GNAQ: variants seen among roughly 807,000 people sequenced by gnomAD.
The protein encoded by GNAQ is guanine nucleotide-binding protein G(q) subunit alpha.
Under a neutral mutation model 43.9 loss-of-function variants are expected in GNAQ, and 8 were observed. The ratio of observed to expected loss-of-function variants is 0.18; its 90% CI spans 0.11 to 0.33. The LOEUF (loss-of-function observed/expected upper bound fraction) is 0.33, where lower values mean the gene tolerates loss of function less well. Ranked by LOEUF, GNAQ falls within the 10% of genes least tolerant of loss-of-function variation. The pLI is 1.00. For synonymous variants in GNAQ, 155 were observed against 170.7 expected (o/e 0.91, Z 0.71); for missense variants, 158 against 450.8 (o/e 0.35, Z 5.88).
At chr9:77,969,108 C>A (rs546925102) in intron 1 of GNAQ, among the ~76,000 whole-genome samples, 10 of 152,290 alleles carry the variant, frequency 6.6e-5, no homozygotes, top group African/African-American at 2.4e-4. Context: ...TCTGCATGCA[C>A]CCCCAGGTCT....
chr9:77,863,315 T>C (rs1468064772), intron 2 of GNAQ, among the ~76,000 whole-genome samples: 6 of 152,152 alleles, frequency 3.9e-5, no homozygotes, highest in Non-Finnish European at 8.8e-5. Flanking sequence ...TCCACAAATC[T>C]CTAGGGCAGG....
chr9:77,938,685 G>C (rs1829269383), intron 1 of GNAQ, among the ~76,000 whole-genome samples: 1 of 152,154 alleles, frequency 6.6e-6, no homozygotes, highest in Admixed American at 6.5e-5. Flanking sequence ...CGAGAAAATG[G>C]GAGCACCTTT....
At chr9:77,950,957 A>G (rs1365190820) in intron 1 of GNAQ, among the ~76,000 whole-genome samples, 1 of 152,152 alleles carries the variant, frequency 6.6e-6, no homozygotes, top group Non-Finnish European at 1.5e-5. Flanking sequence ...TAACTTTTTA[A>G]TTTAAAAAAA....
chr9:77,895,224 G>T (rs1201806363), intron 2 of GNAQ, among the ~76,000 whole-genome samples: 1 of 150,994 alleles, frequency 6.6e-6, no homozygotes, highest in Non-Finnish European at 1.5e-5. Flanking sequence ...CAGAATGGCA[G>T]CAAACATCGA....
At chr9:77,903,327 G>C (rs557811233) in intron 2 of GNAQ, among the ~76,000 whole-genome samples, 28 of 152,306 alleles carry the variant, frequency 1.8e-4, no homozygotes, top group African/African-American at 6.5e-4. Flanking sequence ...GGTGTTGGAC[G>C]CTAGAGATGC....
chr9:78,023,853 G>T (rs1185107346), intron 1 of GNAQ, among the ~76,000 whole-genome samples: 2 of 150,194 alleles, frequency 1.3e-5, no homozygotes, highest in Admixed American at 1.3e-4. Flanking sequence ...TTCGCTTCCG[G>T]TAACAGAGCC....
intron 5 of GNAQ, among the ~76,000 whole-genome samples, chr9:77,749,826 C>T (rs1257698584): frequency 6.6e-6 from 1 of 152,040 alleles, no homozygotes; most frequent in Admixed American, 6.6e-5. Flanking sequence ...TCCCATCCTC[C>T]CTATAAAAAA....
intron 1 of GNAQ, among the ~76,000 whole-genome samples, chr9:77,978,174 T>C (rs1000438337): frequency 1.3e-5 from 2 of 152,192 alleles, no homozygotes; most frequent in Non-Finnish European, 2.9e-5. Flanking sequence ...AGTCCTTCTA[T>C]GGTGATCAGC....
Position 78,031,688 on chromosome 9 carries a change from G to C in GNAQ, c.-453C>G, listed in dbSNP as rs1316050811. On this transcript the variant is annotated 5_prime_UTR_variant, in exon 1 of 7. Transcript: ENST00000286548. Reference sequence around the variant, plus strand: ...GTCCCCGCAGCGAGCGGCCGCCGACGGCTCCCCGCGCCCGGCGCGCCCGCT... The same window carrying C: ...GTCCCCGCAGCGAGCGGCCGCCGACCGCTCCCCGCGCCCGGCGCGCCCGCT... Among the ~76,000 whole-genome samples, 2 of 147,290 alleles carry C rather than the reference G, an allele frequency of 1.4e-5. No homozygotes were observed. Among genetic ancestry groups the C allele is most frequent in the Non-Finnish European group, 3.0e-5 (2 of 66,172 alleles).
chr9:77,942,752 T>C (rs1269412796), intron 1 of GNAQ, among the ~76,000 whole-genome samples: 1 of 152,208 alleles, frequency 6.6e-6, no homozygotes, highest in African/African-American at 2.4e-5. Context: ...TATCCACATG[T>C]AGAAAACTTT....
At position 77,910,841 on chromosome 9, in the gene GNAQ, A is replaced by T. The variant is rs75430128; in HGVS notation, c.321+11320T>A. Among the ~76,000 whole-genome samples the T allele has an allele frequency of 4.9e-3, 754 of 152,334 alleles. 8 individuals carry two copies. Among genetic ancestry groups the T allele is most frequent in the African/African-American group, 0.018 (728 of 41,570 alleles). ...TTTAGAAATAAGAAAACTGGAATTC[A>T]GAGACATTAATTTGCTTAACACCAC... On this transcript the variant is annotated intron_variant, in intron 2 of 6. Transcript: ENST00000286548.
chr9:77,979,008 T>C (rs143825386), intron 1 of GNAQ, among the ~76,000 whole-genome samples: 44 of 152,214 alleles, frequency 2.9e-4, no homozygotes, highest in Non-Finnish European at 4.4e-4. Flanking sequence ...TCTGCCTAGA[T>C]TGTGCCACTG....
intron 5 of GNAQ, among the ~76,000 whole-genome samples, chr9:77,779,680 CAAAAAAAAAA>C (rs58014303): frequency 2.1e-5 from 2 of 95,934 alleles, no homozygotes; most frequent in African/African-American, 4.1e-5. Flanking sequence ...AAAAACAAAA[CAAAAAAAAAA>C]AAAAAAAAAA....
chr9:77,846,095 AAC>A (rs1827580895), intron 2 of GNAQ, among the ~76,000 whole-genome samples: 1 of 152,228 alleles, frequency 6.6e-6, no homozygotes, highest in Non-Finnish European at 1.5e-5. Context: ...CTGTGGGCAA[AAC>A]ACAGTTCACA....
chr9:77,783,274 A>C (rs1002529617), intron 5 of GNAQ, among the ~76,000 whole-genome samples: 3 of 152,172 alleles, frequency 2.0e-5, no homozygotes, highest in African/African-American at 7.2e-5. Flanking sequence ...CTTTCTGTTC[A>C]ATCTTGCTGT....
At chr9:77,896,938 T>C (rs1828513761) in intron 2 of GNAQ, among the ~76,000 whole-genome samples, 1 of 152,276 alleles carries the variant, frequency 6.6e-6, no homozygotes, top group African/African-American at 2.4e-5. Context: ...ACACATTGCA[T>C]GGGCAGCTGT....
At chr9:77,736,525 C>T (rs1825578645) in intron 5 of GNAQ, among the ~76,000 whole-genome samples, 1 of 152,128 alleles carries the variant, frequency 6.6e-6, no homozygotes, top group South Asian at 2.1e-4. Context: ...TCTGCATATG[C>T]ATCAATGTAT....
At position 77,773,992 on chromosome 9, in the gene GNAQ, CTTCT is replaced by C. The variant is rs1482071100; in HGVS notation, c.735+20467_735+20470del. ...CCCTGCTAAAAGACAAATTCTTCTTCTTCTTTTTTTTTTTTAAAAAGGAAGACTC... is the reference window on the plus strand; with the variant it reads ...CCCTGCTAAAAGACAAATTCTTCTTCTTTTTTTTTTTAAAAAGGAAGACTC... On this transcript the variant is annotated intron_variant, in intron 5 of 6. Coordinates refer to ENST00000286548, the MANE Select transcript of GNAQ (RefSeq NM_002072.5). 2.3e-4 allele frequency among the ~76,000 whole-genome samples: 35 copies of C among 151,450 alleles called. No individual in the cohort carries two copies. The East Asian group carries it at 6.4e-3, about 28-fold the overall frequency.
chr9:77,980,313 G>C (rs1398203403), intron 1 of GNAQ, among the ~76,000 whole-genome samples: 1 of 152,160 alleles, frequency 6.6e-6, no homozygotes, highest in Non-Finnish European at 1.5e-5. Context: ...AGTATCAAGT[G>C]TCTCTCGAAT....
Sources: gnomAD v4.1 joint callset for allele counts (sites outside exome capture counted in the v4.1 genomes callset) on GRCh38, gnomAD v4.1.1 for gene constraint, MANE v1.5 for transcripts, NCBI Gene and HGNC (gene_info 2026-07-23, HGNC 2026-07-21) for gene names.